The following LHCGR variants were observed in gnomAD, a reference collection of about 807,000 sequenced individuals.
The protein encoded by LHCGR is luteinizing hormone/choriogonadotropin receptor.
A neutral mutation model predicts 60.7 loss-of-function variants in LHCGR; 55 were observed. That is an observed-to-expected ratio of 0.91 (90% CI 0.73 to 1.13). The LOEUF (loss-of-function observed/expected upper bound fraction) is 1.13. Among genes scored for constraint, LHCGR ranks in the 50% most tolerant of loss-of-function variants. The probability of loss-of-function intolerance (pLI) is 0.00; values close to 1 mark genes in which losing one functional copy is unlikely to be tolerated. For synonymous variants in LHCGR, 337 were observed against 316.5 expected, an observed-to-expected ratio of 1.06 and a Z score of -0.69; for missense variants, 862 against 836.0, an observed-to-expected ratio of 1.03 and a Z score of -0.38.
chr2:48,702,014 C>T (rs1667434458), intron 8 of LHCGR, among the ~76,000 whole-genome samples: 1 of 152,174 alleles, frequency 6.6e-6, no homozygotes, highest in South Asian at 2.1e-4. Flanking sequence ...GCCTGGTACA[C>T]AGGATAGGTT....
intron 8 of LHCGR, chr2:48,708,653 G>A (rs1667822139): frequency 1.9e-6 from 1 of 533,682 alleles, no homozygotes; most frequent in South Asian, 2.1e-5. Flanking sequence ...AGCTAGGAGA[G>A]GCCTGGAATA....
chr2:48,691,473 A>G (rs1458567370), intron 10 of LHCGR, among the ~76,000 whole-genome samples: 2 of 152,244 alleles, frequency 1.3e-5, no homozygotes, highest in Non-Finnish European at 2.9e-5. Flanking sequence ...CAATATAATT[A>G]TCATTTTTTA....
intron 4 of LHCGR, among the ~76,000 whole-genome samples, chr2:48,725,461 T>A (rs1228667550): frequency 6.6e-6 from 1 of 152,182 alleles, no homozygotes; most frequent in African/African-American, 2.4e-5. Context: ...TTAGGACTGA[T>A]AAAATGTTGG....
chr2:48,742,280 C>T (rs1181220368), intron 1 of LHCGR, among the ~76,000 whole-genome samples: 1 of 152,110 alleles, frequency 6.6e-6, no homozygotes, highest in Non-Finnish European at 1.5e-5. Flanking sequence ...TTAGACAGAT[C>T]AATGAGACAG....
In LHCGR at chr2:48,687,320, T is replaced by G. The variant is rs1006535295; in HGVS notation, c.*377A>C. ...AAACTACCTGAGGAAAAAGGCCAGT[T>G]ATTTTAAATTTCTGATCTGTTATGA... On this transcript the variant is annotated 3_prime_UTR_variant, in exon 11 of 11. Coordinates refer to ENST00000294954, the MANE Select transcript of LHCGR (RefSeq NM_000233.4). 1.1e-5 allele frequency: 2 copies of G among 184,828 alleles called. No homozygotes were observed. Among genetic ancestry groups the G allele is most frequent in the Non-Finnish European group, 2.3e-5 (2 of 87,754 alleles). 11.4% of individuals were successfully genotyped at this position (184,828 alleles called of 1,614,324 possible).
chr2:48,728,703 C>G (rs149833904), intron 3 of LHCGR, among the ~76,000 whole-genome samples: 61 of 152,240 alleles, frequency 4.0e-4, no homozygotes, highest in African/African-American at 1.4e-3. Flanking sequence ...CAAAACCCAA[C>G]AAACCCAACA....
intron 1 of LHCGR, among the ~76,000 whole-genome samples, chr2:48,733,786 C>T (rs962085739): frequency 1.3e-5 from 2 of 151,960 alleles, no homozygotes; most frequent in African/African-American, 4.8e-5. Context: ...AGAAATGTCA[C>T]ATCTTCATTT....
In LHCGR at chr2:48,755,697, T is replaced by C; in HGVS notation, c.-26A>G. 6.5e-7 allele frequency: 1 copy of C among 1,533,964 alleles called. No homozygotes were observed. The highest frequency in any genetic ancestry group is 8.7e-7 in the Non-Finnish European group (1 of 1,146,338). ...GGCCGGCGAACTGGGCTTCTGCGGCTTGCCAGTGTCTTGGACGGCCTCTGA... is the reference window on the plus strand; with the variant it reads ...GGCCGGCGAACTGGGCTTCTGCGGCCTGCCAGTGTCTTGGACGGCCTCTGA... On this transcript the variant is annotated 5_prime_UTR_variant, in exon 1 of 11. Coordinates refer to ENST00000294954, the MANE Select transcript of LHCGR (RefSeq NM_000233.4).
chr2:48,742,038 C>T (rs369382290), intron 1 of LHCGR, among the ~76,000 whole-genome samples: 1 of 152,000 alleles, frequency 6.6e-6, no homozygotes, highest in South Asian at 2.1e-4. Context: ...CAGGGGTTGC[C>T]ATCCTAGTCT....
chr2:48,729,182 G>C lies in LHCGR; in HGVS notation c.279C>G (p.Ala93=). Reference sequence around the variant, plus strand: ...CAGACAAATTGAGGAGGTTGTCAAAGGCATTAGCTTCTATCCTTTCCAGGG... The same window carrying C: ...CAGACAAATTGAGGAGGTTGTCAAACGCATTAGCTTCTATCCTTTCCAGGG... ...IDSLERIEAN[A]FDNLLNLSEI... is the part of the protein sequence containing the mutation. The change falls in exon 3 of 11, where the codon GCC becomes GCG. Residue 93 remains alanine, a synonymous_variant. Transcript: ENST00000294954. 6.2e-7 allele frequency: 1 copy of C among 1,612,132 alleles called. No homozygotes were observed. Among genetic ancestry groups the C allele is most frequent in the South Asian group, 1.1e-5 (1 of 91,068 alleles).
At chr2:48,713,907 C>A in intron 7 of LHCGR, 79 bp downstream of exon 7, 1 of 1,138,902 alleles carries the variant, frequency 8.8e-7, no homozygotes. Flanking sequence ...GAGTTAGTTG[C>A]TGAAGATTGA....
chr2:48,688,886 T>C lies in LHCGR; in HGVS notation c.948-37A>G, dbSNP rs778283321. ...ATTATTGGCTTGAGGTAAGGGATTT[T>C]CTCTGAGTATTAAAAAATTCAAGAA... On this transcript the variant is annotated intron_variant, in intron 10 of 10. Transcript: ENST00000294954. The surrounding 1 kb of genome is among the most constrained non-coding windows in gnomAD (Gnocchi z 5.2). The C allele has an allele frequency of 1.3e-6, 2 of 1,583,158 alleles. No homozygotes were observed.
At chr2:48,699,291 G>A (rs1667286467) in intron 8 of LHCGR, among the ~76,000 whole-genome samples, 1 of 151,814 alleles carries the variant, frequency 6.6e-6, no homozygotes, top group African/African-American at 2.4e-5. Flanking sequence ...TCTCATGTGC[G>A]CCTCATTATT....
chr2:48,688,258 A>T lies in LHCGR; in HGVS notation c.1539T>A (p.Ile513=). The T allele has an allele frequency of 1.2e-6, 2 of 1,614,166 alleles. No individual in the cohort carries two copies. Residue 513 remains isoleucine, a synonymous_variant, in exon 11 of 11, where the codon ATT becomes ATA. Coordinates refer to ENST00000294954, the MANE Select transcript of LHCGR (RefSeq NM_000233.4). This position sits in a 1 kb window ranked among gnomAD's most constrained non-coding sequence, Gnocchi z 5.2. ...TGGTTTCCACATCCATGGGGAAGCA[A>T]ATACTGACCTTCATGTAATTGCTGA... The part of the protein sequence containing the change: ...VGVSNYMKVS[I]CFPMDVETTL...
At chr2:48,752,997 T>TGGGGGGGGGGGGGG (rs1558909396) in intron 1 of LHCGR, among the ~76,000 whole-genome samples, 2 of 18,436 alleles carry the variant, frequency 1.1e-4, no homozygotes, top group Admixed American at 5.0e-4. Context: ...GGGGGGGGGG[T>TGGGGGGGGGGGGGG]GGGGAAGGGA....
chr2:48,725,582 G>C lies in LHCGR; in HGVS notation c.383+94C>G, dbSNP rs904188714. ...ACATGCAAATAGTGCCATGTATATG[G>C]TTAAACAAAATCTTTCCAACCTTTT... On this transcript the variant is annotated intron_variant, in intron 4 of 10. Transcript: ENST00000294954. 3.3e-6 allele frequency: 3 copies of C among 908,646 alleles called. No individual in the cohort carries two copies. In the East Asian group the frequency reaches 7.3e-5, roughly 22 times the overall value. The allele number at this position is 908,646 out of a possible 1,614,324, so 56.3% of individuals were successfully genotyped here.
chr2:48,713,448 T>A (rs1668091323), intron 7 of LHCGR, among the ~76,000 whole-genome samples: 1 of 152,160 alleles, frequency 6.6e-6, no homozygotes, highest in Non-Finnish European at 1.5e-5. Context: ...ACAGTAGCGA[T>A]GCTCTTCTTG....
At chr2:48,751,275 C>T (rs551798785) in intron 1 of LHCGR, among the ~76,000 whole-genome samples, 5 of 152,228 alleles carry the variant, frequency 3.3e-5, no homozygotes, top group South Asian at 2.1e-4. Context: ...TTTTGCACAA[C>T]GTCTGAGTAA....
intron 7 of LHCGR, among the ~76,000 whole-genome samples, chr2:48,712,951 G>T (rs1443018084): frequency 6.6e-6 from 1 of 152,030 alleles, no homozygotes. Context: ...AGAGGCTTTG[G>T]TTACATATCT....
Sources: gnomAD v4.1 joint callset for allele counts (sites outside exome capture counted in the v4.1 genomes callset) on GRCh38, gnomAD v4.1.1 for gene constraint, Gnocchi (gnomAD v3.1) non-coding constraint, MANE v1.5 for transcripts, NCBI Gene and HGNC (gene_info 2026-07-23, HGNC 2026-07-21) for gene names.